The following SYT17 variants were observed in gnomAD, a reference collection of about 807,000 sequenced individuals.
The protein encoded by SYT17 is synaptotagmin 17.
SYT17 carries 22 observed loss-of-function variants against 46.7 expected under a neutral mutation model. The ratio of observed to expected loss-of-function variants is 0.47; its 90% CI spans 0.34 to 0.67. The LOEUF (loss-of-function observed/expected upper bound fraction) is 0.67. SYT17 is among the 30% of genes least tolerant of loss of function. SYT17 has a pLI of 0.01. For synonymous variants in SYT17, 251 were observed against 248.4 expected (o/e 1.01, Z -0.10); for missense variants, 519 against 612.8 (o/e 0.85, Z 1.62).
intron 7 of SYT17, among the ~76,000 whole-genome samples, chr16:19,250,886 C>T (rs958426719): frequency 1.6e-4 from 25 of 152,152 alleles, no homozygotes; most frequent in Admixed American, 6.5e-4. Context: ...TTACTTCCCC[C>T]TCCCCCAGGG....
chr16:19,249,597 ATTTGCATT>A (rs1967880981), intron 7 of SYT17, among the ~76,000 whole-genome samples: 1 of 152,142 alleles, frequency 6.6e-6, no homozygotes, highest in Non-Finnish European at 1.5e-5. Context: ...TGTGGGTTTA[ATTTGCATT>A]TTCTCATGAC....
chr16:19,236,825 T>A (rs1389108555), intron 7 of SYT17, among the ~76,000 whole-genome samples: 1 of 152,210 alleles, frequency 6.6e-6, no homozygotes, highest in African/African-American at 2.4e-5. Flanking sequence ...GAGATTTTAC[T>A]GAGCCTCAAT....
At chr16:19,231,538 A>AG (rs1159684790) in intron 7 of SYT17, among the ~76,000 whole-genome samples, 6 of 146,192 alleles carry the variant, frequency 4.1e-5, no homozygotes, top group South Asian at 2.1e-4. Context: ...AAAAAAAAAA[A>AG]AAAAAAAAAA....
chr16:19,172,354 G>A, intron 1 of SYT17: 1 of 1,383,994 alleles, frequency 7.2e-7, no homozygotes, highest in Non-Finnish European at 9.3e-7. Context: ...CTGCCTGCAT[G>A]TTAGCTAATC....
At chr16:19,219,698 A>G (rs1264390397) in intron 5 of SYT17, among the ~76,000 whole-genome samples, 2 of 152,100 alleles carry the variant, frequency 1.3e-5, no homozygotes, top group Non-Finnish European at 2.9e-5. Context: ...TCTTCCTAAT[A>G]CTTAGCATTA....
At chr16:19,178,239 C>T (rs1275218532) in intron 3 of SYT17, among the ~76,000 whole-genome samples, 8 of 139,070 alleles carry the variant, frequency 5.8e-5, no homozygotes, top group East Asian at 1.9e-4. Context: ...TCCGCCACCA[C>T]GCCCGGCTAA....
At chr16:19,226,004 A>G (rs1966484491) in intron 7 of SYT17, among the ~76,000 whole-genome samples, 1 of 152,262 alleles carries the variant, frequency 6.6e-6, no homozygotes, top group Non-Finnish European at 1.5e-5. Flanking sequence ...CTTAGAAGCT[A>G]CTCACCACAA....
chr16:19,189,069 G>T (rs1048337156), intron 5 of SYT17, among the ~76,000 whole-genome samples: 1 of 152,116 alleles, frequency 6.6e-6, no homozygotes, highest in Non-Finnish European at 1.5e-5. Flanking sequence ...CGTAATTTTA[G>T]TAGAGATGGG....
rs149576414 is a variant in SYT17 at position 19,268,126 on chromosome 16, G to A, written c.*1050G>A. The stretch of plus-strand genomic sequence containing the variant: ...ATCTTCTTCCTTAATCATACTCTGA[G>A]GATCTTTCTGTGTTTTTCTGTGAAC... On this transcript the variant is annotated 3_prime_UTR_variant, in exon 8 of 8. Coordinates refer to ENST00000355377, the MANE Select transcript of SYT17 (RefSeq NM_016524.4). The A allele has an allele frequency of 1.3e-5, 2 of 152,228 alleles. No homozygotes were observed. Among genetic ancestry groups the A allele is most frequent in the African/African-American group, 4.8e-5 (2 of 41,522 alleles). The allele number at this position is 152,228 out of a possible 1,614,324, so 9.4% of individuals were successfully genotyped here.
At position 19,268,215 on chromosome 16, in the gene SYT17, T is replaced by TTCTCTC. The variant is rs926275917; in HGVS notation, c.*1147_*1152dup. On this transcript the variant is annotated 3_prime_UTR_variant, in exon 8 of 8. Transcript: ENST00000355377. ...AGAATAGATCTCTCTCTCTCTCTCT[T>TTCTCTC]TCTCTCTCTCTCTTTCCTCTCTCTC... is the stretch of plus-strand genomic sequence containing the variant. The TTCTCTC allele has an allele frequency of 7.5e-5, 3 of 39,938 alleles. No homozygotes were observed. The highest frequency in any genetic ancestry group is 2.1e-4 in the African/African-American group (3 of 14,472). The allele number at this position is 39,938 out of a possible 1,614,324, so 2.5% of individuals were successfully genotyped here.
At chr16:19,176,366 C>T (rs557080236) in intron 3 of SYT17, among the ~76,000 whole-genome samples, 3 of 152,290 alleles carry the variant, frequency 2.0e-5, no homozygotes, top group African/African-American at 7.2e-5. Flanking sequence ...CCTGCCCACC[C>T]AGGAAACCAG....
At chr16:19,252,098 A>G (rs11645520) in intron 7 of SYT17, among the ~76,000 whole-genome samples, 107,506 of 151,004 alleles carry the variant, frequency 0.71, 39,369 homozygotes, top group East Asian at 0.99. Context: ...GGAGGCGGAA[A>G]TTGCAGTGAG....
chr16:19,195,640 A>G (rs1188557756), intron 5 of SYT17, among the ~76,000 whole-genome samples: 2 of 152,114 alleles, frequency 1.3e-5, no homozygotes, highest in African/African-American at 2.4e-5. Context: ...GAATCGCTTG[A>G]ACCCGAGAAG....
In SYT17 at chr16:19,174,146, A is replaced by G. The variant is rs150513222; in HGVS notation, c.182+568A>G. Reference sequence around the variant, plus strand: ...CCTCCAGGCTCCATCCTGTCCTCCAACGCTGTTTATGTTCTCTCTGGCATC... The same window carrying G: ...CCTCCAGGCTCCATCCTGTCCTCCAGCGCTGTTTATGTTCTCTCTGGCATC... On this transcript the variant is annotated intron_variant, in intron 3 of 7. Transcript: ENST00000355377. 7.2e-5 allele frequency among the ~76,000 whole-genome samples: 11 copies of G among 152,270 alleles called. No individual in the cohort carries two copies. The East Asian group carries it at 1.5e-3, about 21-fold the overall frequency.
At chr16:19,215,832 A>G (rs1056108235) in intron 5 of SYT17, among the ~76,000 whole-genome samples, 2 of 152,228 alleles carry the variant, frequency 1.3e-5, no homozygotes, top group African/African-American at 4.8e-5. Flanking sequence ...AATTAGACTT[A>G]CAATTCCACG....
chr16:19,207,696 C>G (rs1965727005), intron 5 of SYT17, among the ~76,000 whole-genome samples: 1 of 152,172 alleles, frequency 6.6e-6, no homozygotes, highest in Non-Finnish European at 1.5e-5. Flanking sequence ...CCTCAATGAG[C>G]TCACAGCTTC....
chr16:19,249,094 GA>G (rs1250228935), intron 7 of SYT17, among the ~76,000 whole-genome samples: 2 of 151,994 alleles, frequency 1.3e-5, no homozygotes, highest in African/African-American at 4.8e-5. Context: ...CTAACATGGT[GA>G]AACCCCGTCT....
intron 7 of SYT17, among the ~76,000 whole-genome samples, chr16:19,227,565 C>T (rs1343881111): frequency 6.6e-6 from 1 of 152,290 alleles, no homozygotes; most frequent in Non-Finnish European, 1.5e-5. Flanking sequence ...AATCTGCCCA[C>T]CTCGGCCTCC....
At chr16:19,250,018 G>T (rs750646154) in intron 7 of SYT17, 79 of 1,535,628 alleles carry the variant, frequency 5.1e-5, no homozygotes, top group Non-Finnish European at 6.3e-5. Flanking sequence ...ACCCTCACCT[G>T]GAAATGAACA....
Sources: gnomAD v4.1 joint callset for allele counts (sites outside exome capture counted in the v4.1 genomes callset) on GRCh38, gnomAD v4.1.1 for gene constraint, MANE v1.5 for transcripts, NCBI Gene and HGNC (gene_info 2026-07-23, HGNC 2026-07-21) for gene names.